PRKG1: variants seen among roughly 807,000 people sequenced by gnomAD.
PRKG1 encodes the protein protein kinase cGMP-dependent 1.
In PRKG1, 35 loss-of-function variants were observed where a neutral mutation model predicts 88.1. The observed-to-expected ratio is 0.40, with a 90% confidence interval of 0.30 to 0.53. The LOEUF (loss-of-function observed/expected upper bound fraction) is 0.53, where lower values mean the gene tolerates loss of function less well. Among genes scored for constraint, PRKG1 ranks in the 20% least tolerant of loss-of-function variants. The pLI is 0.59. For synonymous variants in PRKG1, 303 were observed against 292.5 expected (o/e 1.04, Z -0.37); for missense variants, 540 against 839.8 (o/e 0.64, Z 4.41).
intron 5 of PRKG1, among the ~76,000 whole-genome samples, chr10:52,011,600 A>G (rs1021583710): frequency 6.6e-6 from 1 of 152,300 alleles, no homozygotes; most frequent in Admixed American, 6.5e-5. Flanking sequence ...GTTTCTTAAA[A>G]TAGAACAAAT....
chr10:51,590,563 A>G (rs955444151), intron 3 of PRKG1, among the ~76,000 whole-genome samples: 4 of 152,218 alleles, frequency 2.6e-5, no homozygotes, highest in Non-Finnish European at 5.9e-5. Flanking sequence ...TCCTCTTTCT[A>G]CACAAAGATT....
intron 3 of PRKG1, among the ~76,000 whole-genome samples, chr10:51,595,544 C>A (rs1183767402): frequency 6.7e-6 from 1 of 148,610 alleles, no homozygotes; most frequent in Non-Finnish European, 1.5e-5. Context: ...GCAGGAGAAT[C>A]GCTTGAACCT....
intron 2 of PRKG1, among the ~76,000 whole-genome samples, chr10:51,336,451 A>C (rs1332660432): frequency 6.6e-6 from 1 of 152,232 alleles, no homozygotes; most frequent in Non-Finnish European, 1.5e-5. Flanking sequence ...GAGAATGACT[A>C]GCTTGTAATA....
intron 5 of PRKG1, among the ~76,000 whole-genome samples, chr10:51,940,497 G>A (rs1167962119): frequency 1.3e-5 from 2 of 151,850 alleles, no homozygotes; most frequent in Admixed American, 1.3e-4. Flanking sequence ...TCTTGCCACT[G>A]GTACAAGTTT....
At chr10:51,838,131 T>C (rs1048870352) in intron 4 of PRKG1, among the ~76,000 whole-genome samples, 2 of 152,172 alleles carry the variant, frequency 1.3e-5, no homozygotes, top group South Asian at 4.1e-4. Flanking sequence ...AAAAAACAGA[T>C]TTAAAAGTGA....
chr10:52,061,125 A>T (rs1203339530), intron 6 of PRKG1, among the ~76,000 whole-genome samples: 3 of 152,006 alleles, frequency 2.0e-5, no homozygotes, highest in Non-Finnish European at 2.9e-5. Flanking sequence ...TGTCTCTGTG[A>T]TACAGCTTAG....
intron 3 of PRKG1, among the ~76,000 whole-genome samples, chr10:51,687,099 G>C (rs12261523): frequency 6.6e-6 from 1 of 151,888 alleles, no homozygotes; most frequent in Admixed American, 6.6e-5. Context: ...TTAAATTGTT[G>C]TTTGCTAGAA....
intron 5 of PRKG1, among the ~76,000 whole-genome samples, chr10:51,955,585 C>T (rs1257301118): frequency 6.6e-6 from 1 of 152,062 alleles, no homozygotes; most frequent in Non-Finnish European, 1.5e-5. Flanking sequence ...CATTCGATTT[C>T]ATTATTATGA....
At chr10:51,451,291 T>TTA (rs67349531) in intron 2 of PRKG1, among the ~76,000 whole-genome samples, 97,491 of 151,332 alleles carry the variant, frequency 0.64, 33,010 homozygotes, top group African/African-American at 0.86. Flanking sequence ...ACTTTTTTTT[T>TTA]TTGGTGACAA....
chr10:51,792,314 GA>G (rs1037596493), intron 3 of PRKG1, among the ~76,000 whole-genome samples: 2 of 151,802 alleles, frequency 1.3e-5, no homozygotes, highest in African/African-American at 2.4e-5. Flanking sequence ...ATTTCTTAGA[GA>G]AAAAAAATTC....
intron 9 of PRKG1, among the ~76,000 whole-genome samples, chr10:52,198,602 G>T (rs1839573237): frequency 6.6e-6 from 1 of 152,076 alleles, no homozygotes; most frequent in Non-Finnish European, 1.5e-5. Flanking sequence ...TAAAATAACA[G>T]AAATTTATTC....
intron 4 of PRKG1, among the ~76,000 whole-genome samples, chr10:51,883,329 G>A (rs527939814): frequency 1.1e-4 from 16 of 152,312 alleles, no homozygotes; most frequent in African/African-American, 3.6e-4. Context: ...GAGCTGCATA[G>A]TATAATAAAT....
At chr10:51,248,849 A>AATTAC (rs1249715194) in intron 2 of PRKG1, among the ~76,000 whole-genome samples, 2 of 151,884 alleles carry the variant, frequency 1.3e-5, no homozygotes, top group African/African-American at 4.8e-5. Context: ...AAAATGCTTT[A>AATTAC]ATTACATTAT....
intron 6 of PRKG1, among the ~76,000 whole-genome samples, chr10:52,060,471 GAAC>G (rs942545548): frequency 3.3e-5 from 5 of 151,628 alleles, no homozygotes; most frequent in South Asian, 4.1e-4. Context: ...TCTTGTGAAT[GAAC>G]AACAACAAAA....
At chr10:51,829,847 C>G (rs947936301) in intron 4 of PRKG1, among the ~76,000 whole-genome samples, 2 of 151,976 alleles carry the variant, frequency 1.3e-5, no homozygotes, top group African/African-American at 4.8e-5. Context: ...TTAGGTGAAC[C>G]CTACCACTGT....
At chr10:51,425,246 A>G (rs1428801453) in intron 2 of PRKG1, among the ~76,000 whole-genome samples, 1 of 152,232 alleles carries the variant, frequency 6.6e-6, no homozygotes, top group Non-Finnish European at 1.5e-5. Flanking sequence ...GTGCTGAAAC[A>G]CAAATTATTA....
chr10:52,067,928 G>A (rs1846394792), intron 7 of PRKG1, among the ~76,000 whole-genome samples: 2 of 104,912 alleles, frequency 1.9e-5, no homozygotes, highest in African/African-American at 5.3e-5. Context: ...CTTGAGGCCG[G>A]GCGCAGTGGC....
chr10:51,613,483 T>C (rs1589131309), intron 3 of PRKG1, among the ~76,000 whole-genome samples: 1 of 151,966 alleles, frequency 6.6e-6, no homozygotes, highest in East Asian at 1.9e-4. Flanking sequence ...TTTTATTGAT[T>C]CTTTGTAATT....
intron 4 of PRKG1, among the ~76,000 whole-genome samples, chr10:51,860,476 G>A (rs755070654): frequency 6.6e-6 from 1 of 152,134 alleles, no homozygotes; most frequent in Non-Finnish European, 1.5e-5. Flanking sequence ...CATATTCTTG[G>A]CCAAAACAAG....
Sources: allele counts gnomAD v4.1 joint callset (sites outside exome capture counted in the v4.1 genomes callset), GRCh38; gene constraint gnomAD v4.1.1; transcripts MANE v1.5; gene names NCBI Gene and HGNC (gene_info 2026-07-23, HGNC 2026-07-21).